Variants in LAMC2 observed in about 807,000 individuals in gnomAD.
The protein encoded by LAMC2 is laminin subunit gamma 2, also known as laminin subunit gamma-2.
In LAMC2, 97 loss-of-function variants were observed where a neutral mutation model predicts 140.2. That is an observed-to-expected ratio of 0.69 (90% CI 0.59 to 0.82). The LOEUF is 0.82. Among genes scored for constraint, LAMC2 ranks in the 40% least tolerant of loss-of-function variants. The pLI, the probability that LAMC2 is intolerant of heterozygous loss-of-function variation, is 0.00. For synonymous variants in LAMC2, 513 were observed against 540.2 expected (o/e 0.95, Z 0.70); for missense variants, 1,402 against 1,476.1 (o/e 0.95, Z 0.82).
chr1:183,222,335 G>A (rs546767465), intron 6 of LAMC2, 124 bp downstream of exon 6: 10 of 994,732 alleles, frequency 1.0e-5, no homozygotes, highest in Admixed American at 8.6e-5. Flanking sequence ...GCATCTCCGG[G>A]TAGTGCAACC....
intron 22 of LAMC2, 143 bp downstream of exon 22, chr1:183,240,534 A>G (rs1660104395): frequency 6.9e-7 from 1 of 1,459,736 alleles, no homozygotes. Flanking sequence ...CCAGGCCCAG[A>G]TAACTTTCGG....
At chr1:183,188,224 G>A (rs1346451696) in intron 1 of LAMC2, among the ~76,000 whole-genome samples, 1 of 152,100 alleles carries the variant, frequency 6.6e-6, no homozygotes, top group African/African-American at 2.4e-5. Flanking sequence ...CTTCATTTTT[G>A]GATTCAATGG....
intron 1 of LAMC2, among the ~76,000 whole-genome samples, chr1:183,198,824 G>A (rs2102178538): frequency 6.6e-6 from 1 of 152,326 alleles, no homozygotes; most frequent in Non-Finnish European, 1.5e-5. Context: ...GACCACAGAT[G>A]GGTGGGCAGT....
chr1:183,236,962 T>C (rs925377594), intron 17 of LAMC2, among the ~76,000 whole-genome samples: 4 of 152,218 alleles, frequency 2.6e-5, no homozygotes, highest in Non-Finnish European at 1.5e-5. Context: ...GATGACTTCT[T>C]CTCAAAAGTT....
At chr1:183,224,791 T>G (rs1432535903) in intron 7 of LAMC2, among the ~76,000 whole-genome samples, 2 of 152,198 alleles carry the variant, frequency 1.3e-5, no homozygotes, top group Non-Finnish European at 2.9e-5. Flanking sequence ...GTTCTTCCTT[T>G]GTATTAGCCT....
chr1:183,189,519 G>A (rs1420304647), intron 1 of LAMC2, among the ~76,000 whole-genome samples: 3 of 152,168 alleles, frequency 2.0e-5, no homozygotes, highest in African/African-American at 7.2e-5. Context: ...GTGACAAAGC[G>A]AGACCCTCTC....
At chr1:183,233,096 C>T (rs1175271280) in intron 14 of LAMC2, among the ~76,000 whole-genome samples, 1 of 152,180 alleles carries the variant, frequency 6.6e-6, no homozygotes, top group East Asian at 1.9e-4. Flanking sequence ...CTAACTACAT[C>T]CTCATCTTGG....
Position 183,188,696 on chromosome 1 carries a change from T to C in LAMC2, c.79+2265T>C, listed in dbSNP as rs16860436. Among the ~76,000 whole-genome samples, 1,495 of 152,234 alleles carry C rather than the reference T, an allele frequency of 9.8e-3. 25 individuals are homozygous for C. Among genetic ancestry groups the C allele is most frequent in the African/African-American group, 0.034 (1,423 of 41,538 alleles). ...AAAAAGTCCAAAGCCAACAGTACAG[T>C]GTAGTGAATTCATTTGCCCAGAGAT... On this transcript the variant is annotated intron_variant, in intron 1 of 22. Transcript: ENST00000264144.
the LAMC2 span, chr1:183,251,477 G>C: frequency 1.3e-5 from 2 of 152,406 alleles, no homozygotes; most frequent in East Asian, 3.9e-4. Flanking sequence ...AAGACCTCCA[G>C]GGTTGAGTGG....
chr1:183,253,182 A>G, the LAMC2 span, among the ~76,000 whole-genome samples: 1 of 150,070 alleles, frequency 6.7e-6, no homozygotes, highest in African/African-American at 2.4e-5. Context: ...ATGTTGTAAG[A>G]TACACATATA....
Position 183,225,674 on chromosome 1 carries a change from G to A in LAMC2, c.1020G>A (p.Leu340=), listed in dbSNP as rs1257569483. The change falls in exon 8 of 23, where the codon CTG becomes CTA. Residue 340 remains leucine, a synonymous_variant. Transcript: ENST00000264144. ...QLSYFEYRRL[L]RNLTALRIRA... ...GTTACTTTGAGTATCGAAGGTTACT[G>A]CGGAATCTCACAGCCCTCCGCATCC... 5 of 1,614,016 alleles carry A rather than the reference G, an allele frequency of 3.1e-6. No individual in the cohort carries two copies. The East Asian group carries it at 6.7e-5, about 22-fold the overall frequency.
chr1:183,225,383 C>G (rs1659594900), intron 7 of LAMC2, among the ~76,000 whole-genome samples: 1 of 152,132 alleles, frequency 6.6e-6, no homozygotes, highest in African/African-American at 2.4e-5. Context: ...ATCTGGACTT[C>G]CCACACTGGG....
intron 3 of LAMC2, among the ~76,000 whole-genome samples, chr1:183,216,394 C>T (rs554628861): frequency 7.2e-5 from 11 of 152,274 alleles, no homozygotes; most frequent in South Asian, 2.1e-4. Flanking sequence ...CTGTTAGCTC[C>T]GCCTCCCCGC....
At chr1:183,189,929 C>T (rs1225188891) in intron 1 of LAMC2, among the ~76,000 whole-genome samples, 1 of 152,124 alleles carries the variant, frequency 6.6e-6, no homozygotes, top group East Asian at 1.9e-4. Flanking sequence ...TTTTCCCATG[C>T]CCTGATGCTA....
chr1:183,214,472 A>G (rs1253428191), intron 2 of LAMC2, among the ~76,000 whole-genome samples: 1 of 152,164 alleles, frequency 6.6e-6, no homozygotes, highest in African/African-American at 2.4e-5. Context: ...CCTTGAGGGA[A>G]GCTGCTTAGC....
At chr1:183,254,724 A>G in the LAMC2 span, among the ~76,000 whole-genome samples, 5,581 of 152,330 alleles carry the variant, frequency 0.037, 356 homozygotes, top group African/African-American at 0.13. Context: ...GGTATGAGCC[A>G]TCACACTGTG....
At chr1:183,243,097 A>T (rs765955895) in intron 22 of LAMC2, 50 bp from the exon 23 acceptor site, 99 of 1,610,774 alleles carry the variant, frequency 6.1e-5, no homozygotes, top group East Asian at 1.1e-4. Flanking sequence ...GTTCAAGGAG[A>T]TCTAACTACA....
chr1:183,235,218 T>A (rs775661538), intron 15 of LAMC2, among the ~76,000 whole-genome samples: 1 of 152,040 alleles, frequency 6.6e-6, no homozygotes, highest in Non-Finnish European at 1.5e-5. Context: ...TGCGTAAAGG[T>A]TGGATCCTGG....
chr1:183,200,571 C>T (rs887581691), intron 1 of LAMC2, among the ~76,000 whole-genome samples: 13 of 152,250 alleles, frequency 8.5e-5, no homozygotes, highest in African/African-American at 2.2e-4. Context: ...CCTTGTCCTG[C>T]GTACAACCTG....
Sources: allele counts gnomAD v4.1 joint callset (sites outside exome capture counted in the v4.1 genomes callset), GRCh38; gene constraint gnomAD v4.1.1; transcripts MANE v1.5; gene names NCBI Gene and HGNC (gene_info 2026-07-23, HGNC 2026-07-21).